The following MTMR9 variants were observed in gnomAD, a reference collection of about 807,000 sequenced individuals.
MTMR9 encodes the protein myotubularin related protein 9, also known as myotubularin-related protein 9.
MTMR9 carries 39 observed loss-of-function variants against 69.5 expected under a neutral mutation model. The ratio of observed to expected loss-of-function variants is 0.56; its 90% CI spans 0.43 to 0.73. MTMR9 has a LOEUF of 0.73. MTMR9 is among the 30% of genes least tolerant of loss of function. MTMR9 has a pLI of 0.00. For synonymous variants in MTMR9, 354 were observed against 240.8 expected (o/e 1.47, Z -4.35); for missense variants, 900 against 671.2 (o/e 1.34, Z -3.77).
Position 11,315,027 on chromosome 8 carries a change from G to T in MTMR9, c.1076G>T (p.Arg359Leu), listed in dbSNP as rs139630635. 1.8e-5 allele frequency: 29 copies of T among 1,613,870 alleles called. No individual in the cohort carries two copies. The East Asian group carries it at 4.5e-4, about 25-fold the overall frequency. ...IILEPRSRTI[R>L]GFEALIEREW... ...TTAGAGCCAAGAAGCAGGACCATTC[G>T]TGGTTTTGAGGCCCTGATTGAAAGA... is the stretch of plus-strand genomic sequence containing the variant. Residue 359 changes from arginine to leucine, a missense_variant, in exon 7 of 10, where the codon CGT becomes CTT. Physicochemically the swap from Arg to Leu is moderately radical, Grantham distance 102. Coordinates refer to ENST00000221086, the MANE Select transcript of MTMR9 (RefSeq NM_015458.4).
chr8:11,314,449 G>GT (rs1800328976), intron 6 of MTMR9, among the ~76,000 whole-genome samples: 1 of 152,234 alleles, frequency 6.6e-6, no homozygotes, highest in African/African-American at 2.4e-5. Flanking sequence ...TTGAATTACA[G>GT]TTTATGAAGG....
intron 1 of MTMR9, among the ~76,000 whole-genome samples, chr8:11,293,926 CTG>C (rs1799457371): frequency 6.6e-6 from 1 of 152,188 alleles, no homozygotes; most frequent in African/African-American, 2.4e-5. Flanking sequence ...CATTTTCACA[CTG>C]TCTTAATTAC....
At position 11,306,190 on chromosome 8, in the gene MTMR9, G is replaced by A. The variant is rs757109533; in HGVS notation, c.592G>A (p.Val198Ile). 1 of 1,612,262 alleles carries A rather than the reference G, an allele frequency of 6.2e-7. No individual in the cohort carries two copies. The highest frequency in any genetic ancestry group is 8.5e-7 in the Non-Finnish European group (1 of 1,179,734). ...ATTTTCAGCTTTATTATGCTTCTAGGTAATTATGCGAAGTGGTCAGCCACT... is the reference window on the plus strand; with the variant it reads ...ATTTTCAGCTTTATTATGCTTCTAGATAATTATGCGAAGTGGTCAGCCACT... ...LSYYHKKNGM[V>I]IMRSGQPLTG... The change falls in exon 5 of 10, where the codon GTA becomes ATA. Residue 198 changes from valine (V) to isoleucine (I), a missense_variant and splice_region_variant. By Grantham distance (29) the Val-to-Ile change is conservative. Coordinates refer to ENST00000221086, the MANE Select transcript of MTMR9 (RefSeq NM_015458.4).
At chr8:11,299,389 A>G (rs1799671673) in intron 2 of MTMR9, among the ~76,000 whole-genome samples, 1 of 152,184 alleles carries the variant, frequency 6.6e-6, no homozygotes, top group Non-Finnish European at 1.5e-5. Flanking sequence ...AGCCTTTTAC[A>G]CACATTATCT....
chr8:11,287,073 T>C (rs954404532), intron 1 of MTMR9, among the ~76,000 whole-genome samples: 1 of 152,264 alleles, frequency 6.6e-6, no homozygotes, highest in African/African-American at 2.4e-5. Flanking sequence ...GTTACCTGTC[T>C]ATGAGTATTC....
chr8:11,316,968 A>G (rs1343050858), intron 8 of MTMR9, 75 bp downstream of exon 8: 9 of 919,616 alleles, frequency 9.8e-6, no homozygotes, highest in Non-Finnish European at 1.3e-5. Flanking sequence ...AGAATCTCCT[A>G]GGAGACGACG....
intron 9 of MTMR9, 117 bp from the exon 10 acceptor site, chr8:11,322,508 G>A: frequency 1.3e-6 from 1 of 792,148 alleles, no homozygotes; most frequent in East Asian, 2.8e-5. Context: ...GATGTGAGTT[G>A]TGGCAACAAA....
intron 7 of MTMR9, 65 bp from the exon 8 acceptor site, chr8:11,316,608 C>T (rs1423528085): frequency 1.9e-6 from 2 of 1,036,506 alleles, no homozygotes; most frequent in South Asian, 1.7e-5. Flanking sequence ...ATAGTGGTGT[C>T]GGTAGAATGC....
At chr8:11,333,603 A>T in the MTMR9 span, among the ~76,000 whole-genome samples, 1 of 152,246 alleles carries the variant, frequency 6.6e-6, no homozygotes, top group African/African-American at 2.4e-5. Flanking sequence ...GGGCAAATAT[A>T]AAAACCAGTA....
At chr8:11,329,271 G>T (rs558355773), downstream of MTMR9, among the ~76,000 whole-genome samples, 2 of 152,314 alleles carry the variant, frequency 1.3e-5, no homozygotes, top group African/African-American at 2.4e-5. Context: ...GTGCTCATCT[G>T]CAGTCCTTGC....
chr8:11,286,691 A>AAAAGG (rs1554498829), intron 1 of MTMR9, among the ~76,000 whole-genome samples: 2 of 105,436 alleles, frequency 1.9e-5, no homozygotes, highest in Non-Finnish European at 3.8e-5. Flanking sequence ...AAAAAAAAAA[A>AAAAGG]GTCTTCAGTG....
At chr8:11,320,238 A>G (rs1395749448) in intron 9 of MTMR9, 1 of 159,906 alleles carries the variant, frequency 6.3e-6, no homozygotes, top group East Asian at 1.8e-4. Context: ...TTAAAGAGTT[A>G]CATGGCTGGG....
downstream of MTMR9, chr8:11,332,312 C>G (rs969743912): frequency 1.9e-6 from 2 of 1,042,438 alleles, no homozygotes; most frequent in Non-Finnish European, 2.6e-6. Context: ...AGCATGCAAA[C>G]AAATGAGAAA....
downstream of MTMR9, chr8:11,332,135 G>T: frequency 3.7e-6 from 6 of 1,611,702 alleles, no homozygotes; most frequent in Non-Finnish European, 4.2e-6. Context: ...ATAGAACTTG[G>T]GAGCCCGGGG....
At chr8:11,314,788 T>C (rs1800342195) in intron 6 of MTMR9, 135 bp from the exon 7 acceptor site, 3 of 700,852 alleles carry the variant, frequency 4.3e-6, no homozygotes, top group Non-Finnish European at 7.2e-6. Context: ...CAGAGCAGAA[T>C]GTTGTACTCA....
At chr8:11,298,084 C>G (rs1799620931) in intron 2 of MTMR9, 2 of 361,426 alleles carry the variant, frequency 5.5e-6, no homozygotes, top group South Asian at 2.2e-5. Context: ...GCTCAGTTAT[C>G]TAAATTGTAG....
Position 11,285,293 on chromosome 8 carries a change from G to A in MTMR9, c.182+223G>A, listed in dbSNP as rs147979157. On this transcript the variant is annotated intron_variant, in intron 1 of 9. Coordinates refer to ENST00000221086, the MANE Select transcript of MTMR9 (RefSeq NM_015458.4). Reference sequence around the variant, plus strand: ...AGTTCTCAGGGTTATCGTGTGGCTGGTACCATCCTGATGATCATTTCTGGT... The same window carrying A: ...AGTTCTCAGGGTTATCGTGTGGCTGATACCATCCTGATGATCATTTCTGGT... The A allele has an allele frequency of 1.3e-4, 62 of 466,396 alleles. 1 individual carries two copies. Among genetic ancestry groups the A allele is most frequent in the African/African-American group, 1.2e-3 (59 of 49,818 alleles). 28.9% of individuals were successfully genotyped at this position (466,396 alleles called of 1,614,324 possible).
At chr8:11,332,933 A>G (rs946697124), downstream of MTMR9, among the ~76,000 whole-genome samples, 15 of 152,210 alleles carry the variant, frequency 9.9e-5, no homozygotes, top group Non-Finnish European at 5.9e-5. Flanking sequence ...AGAAGAAAGG[A>G]TCAGCAAATT....
At chr8:11,307,500 C>T (rs11782742) in intron 5 of MTMR9, among the ~76,000 whole-genome samples, 86,687 of 152,036 alleles carry the variant, frequency 0.57, 25,112 homozygotes, top group East Asian at 0.86. Context: ...CTGCAGTGAA[C>T]GTGGGAATGC....
Sources: allele counts gnomAD v4.1 joint callset (sites outside exome capture counted in the v4.1 genomes callset), GRCh38; gene constraint gnomAD v4.1.1; transcripts MANE v1.5; gene names NCBI Gene and HGNC (gene_info 2026-07-23, HGNC 2026-07-21).